Variants in NCKAP5 observed in about 807,000 individuals in gnomAD.
NCKAP5 encodes the protein nck-associated protein 5.
Under a neutral mutation model 167.0 loss-of-function variants are expected in NCKAP5, and 92 were observed. That is an observed-to-expected ratio of 0.55 (90% CI 0.47 to 0.66). The LOEUF (loss-of-function observed/expected upper bound fraction) is 0.66, where lower values mean the gene tolerates loss of function less well. Ranked by LOEUF, NCKAP5 falls within the 30% of genes least tolerant of loss-of-function variation. The pLI is 0.00. For synonymous variants in NCKAP5, 891 were observed against 877.4 expected (o/e 1.02, Z -0.27); for missense variants, 2,378 against 2,315.0 (o/e 1.03, Z -0.56).
intron 5 of NCKAP5, among the ~76,000 whole-genome samples, chr2:133,190,668 GA>G (rs2085174867): frequency 6.6e-6 from 1 of 152,168 alleles, no homozygotes; most frequent in South Asian, 2.1e-4. Flanking sequence ...AAGAAATGGG[GA>G]GAGGATTCCC....
chr2:133,070,425 C>G (rs1306925156), intron 6 of NCKAP5, among the ~76,000 whole-genome samples: 4 of 152,082 alleles, frequency 2.6e-5, no homozygotes, highest in Admixed American at 2.0e-4. Context: ...CCAGAAGGTG[C>G]CTGTGTGTCA....
intron 8 of NCKAP5, among the ~76,000 whole-genome samples, chr2:132,937,955 A>G (rs1310798316): frequency 2.0e-5 from 3 of 152,214 alleles, no homozygotes; most frequent in Admixed American, 1.3e-4. Context: ...TAAAGGGTGG[A>G]CCCTCTGATA....
intron 19 of NCKAP5, among the ~76,000 whole-genome samples, chr2:132,723,409 G>A (rs756972158): frequency 6.6e-6 from 1 of 151,816 alleles, no homozygotes; most frequent in African/African-American, 2.4e-5. Context: ...TGATCTACCC[G>A]GCTCGGCCTC....
chr2:133,269,146 C>G (rs2089392510), intron 4 of NCKAP5: 1 of 152,118 alleles, frequency 6.6e-6, no homozygotes, highest in African/African-American at 2.4e-5. Flanking sequence ...ATTCCTTGGT[C>G]TTAACTTCAA....
At chr2:132,744,661 A>G (rs1679494354) in intron 16 of NCKAP5, among the ~76,000 whole-genome samples, 1 of 151,618 alleles carries the variant, frequency 6.6e-6, no homozygotes, top group Non-Finnish European at 1.5e-5. Flanking sequence ...TTAAAAATCA[A>G]TGAAACAAAG....
At chr2:132,701,450 T>C (rs374200630) in intron 19 of NCKAP5, among the ~76,000 whole-genome samples, 1 of 152,226 alleles carries the variant, frequency 6.6e-6, no homozygotes, top group African/African-American at 2.4e-5. Flanking sequence ...AAGATGTCTC[T>C]TAGCCAGGTT....
intron 3 of NCKAP5, among the ~76,000 whole-genome samples, chr2:133,508,323 C>T (rs981509551): frequency 1.3e-5 from 2 of 152,188 alleles, no homozygotes; most frequent in African/African-American, 4.8e-5. Flanking sequence ...GACAGCCCTC[C>T]TCCTTGGGGA....
At chr2:133,519,488 C>T (rs1684298222) in intron 2 of NCKAP5, among the ~76,000 whole-genome samples, 1 of 152,150 alleles carries the variant, frequency 6.6e-6, no homozygotes, top group South Asian at 2.1e-4. Context: ...TCTCCCTCTC[C>T]CCCAGTCTCA....
intron 3 of NCKAP5, among the ~76,000 whole-genome samples, chr2:133,386,854 A>G (rs924877653): frequency 6.6e-6 from 1 of 152,124 alleles, no homozygotes; most frequent in Admixed American, 6.5e-5. Flanking sequence ...TTTATCAGAG[A>G]CTAGGATTGC....
intron 16 of NCKAP5, among the ~76,000 whole-genome samples, chr2:132,771,099 A>AG (rs1682006168): frequency 1.3e-5 from 2 of 151,994 alleles, no homozygotes; most frequent in Non-Finnish European, 2.9e-5. Flanking sequence ...TAATAAAAAA[A>AG]GTTAACAGCC....
At chr2:133,368,539 A>T (rs1685595809) in intron 3 of NCKAP5, among the ~76,000 whole-genome samples, 1 of 152,238 alleles carries the variant, frequency 6.6e-6, no homozygotes, top group African/African-American at 2.4e-5. Context: ...TTAGTCCCTC[A>T]GGGACCAAGT....
chr2:133,647,042 A>G, the NCKAP5 span, among the ~76,000 whole-genome samples: 4 of 152,154 alleles, frequency 2.6e-5, no homozygotes, highest in East Asian at 7.7e-4. Context: ...ACAAAACACA[A>G]AAGAAGATAG....
At chr2:133,481,447 A>T (rs1037335427) in intron 3 of NCKAP5, among the ~76,000 whole-genome samples, 1 of 152,196 alleles carries the variant, frequency 6.6e-6, no homozygotes, top group African/African-American at 2.4e-5. Context: ...ACATTTTTTA[A>T]GACTTTTAAG....
rs2078294755 is a variant in NCKAP5, at chr2:133,015,369, T to TGA, written c.342-21131_342-21130insTC. Among the ~76,000 whole-genome samples, 6 of 147,122 alleles carry TGA rather than the reference T, an allele frequency of 4.1e-5. No homozygotes were observed. The South Asian group carries it at 1.3e-3, about 32-fold the overall frequency. ...TAAAAGAACCGAACTCTTTTTTTTT[T>TGA]CTCCTGGAGACATTCTGACTTTTCA... On this transcript the variant is annotated intron_variant, in intron 6 of 19. Coordinates refer to ENST00000409261, the MANE Select transcript of NCKAP5 (RefSeq NM_207363.3).
At chr2:133,523,325 CAT>C (rs983278983) in intron 2 of NCKAP5, among the ~76,000 whole-genome samples, 32 of 151,142 alleles carry the variant, frequency 2.1e-4, no homozygotes, top group East Asian at 3.9e-4. Flanking sequence ...CACACACACA[CAT>C]ACTCACTCAC....
At chr2:132,965,245 C>T (rs987293481) in intron 7 of NCKAP5, among the ~76,000 whole-genome samples, 3 of 152,128 alleles carry the variant, frequency 2.0e-5, no homozygotes, top group African/African-American at 7.2e-5. Flanking sequence ...GGTGTGAGTT[C>T]AGCTCAGATA....
At chr2:133,110,377 TGA>T (rs2081866837) in intron 6 of NCKAP5, among the ~76,000 whole-genome samples, 2 of 152,184 alleles carry the variant, frequency 1.3e-5, no homozygotes, top group East Asian at 3.8e-4. Flanking sequence ...GACACTGGCC[TGA>T]GAAGATGCTG....
At chr2:133,134,729 T>C (rs534249484) in intron 5 of NCKAP5, among the ~76,000 whole-genome samples, 10 of 152,328 alleles carry the variant, frequency 6.6e-5, no homozygotes, top group African/African-American at 2.4e-4. Context: ...CATCCTCTGA[T>C]TAAACCTCAA....
the NCKAP5 span, among the ~76,000 whole-genome samples, chr2:133,617,174 G>T: frequency 1.3e-5 from 2 of 152,034 alleles, no homozygotes; most frequent in East Asian, 3.9e-4. Flanking sequence ...GAGCTATCTA[G>T]GACAAATCCA....
Sources: gnomAD v4.1 joint callset for allele counts (sites outside exome capture counted in the v4.1 genomes callset) on GRCh38, gnomAD v4.1.1 for gene constraint, MANE v1.5 for transcripts, NCBI Gene and HGNC (gene_info 2026-07-23, HGNC 2026-07-21) for gene names.